The following IGF2R variants were observed in gnomAD, a reference collection of about 807,000 sequenced individuals.
IGF2R encodes insulin like growth factor 2 receptor, also known as cation-independent mannose-6-phosphate receptor.
A neutral mutation model predicts 270.6 loss-of-function variants in IGF2R; 91 were observed. That is an observed-to-expected ratio of 0.34 (90% CI 0.28 to 0.40). IGF2R has a LOEUF of 0.40. Ranked by LOEUF, IGF2R falls within the 10% of genes least tolerant of loss-of-function variation. The pLI, the probability that IGF2R is intolerant of heterozygous loss-of-function variation, is 1.00. For missense variants in IGF2R, 2,805 were observed against 3,188.3 expected (o/e 0.88, Z 2.90); for synonymous variants, 1,316 against 1,258.9 (o/e 1.05, Z -0.96).
Position 160,060,559 on chromosome 6 carries a change from C to G in IGF2R, c.3104C>G (p.Ala1035Gly), listed in dbSNP as rs1778415252. The change falls in exon 23 of 48, where the codon GCT becomes GGT. Residue 1035 changes from alanine to glycine, a missense_variant. Transcript: ENST00000356956. ...GPLSAKGTAD[A>G]FIVRFVCNDD... ...TCTTGCTTTACAGGTACCGCTGATGCTTTTATCGTCCGCTTTGTTTGCAAT... is the reference window on the plus strand; with the variant it reads ...TCTTGCTTTACAGGTACCGCTGATGGTTTTATCGTCCGCTTTGTTTGCAAT... 1.2e-6 allele frequency: 2 copies of G among 1,614,250 alleles called. No individual in the cohort carries two copies. Among genetic ancestry groups the G allele is most frequent in the East Asian group, 2.2e-5 (1 of 44,890 alleles).
In IGF2R at chr6:160,102,812, C is replaced by A; in HGVS notation, c.6995+141C>A. The A allele has an allele frequency of 1.0e-6, 1 of 994,986 alleles. No homozygotes were observed. The highest frequency in any genetic ancestry group is 1.4e-6 in the Non-Finnish European group (1 of 691,112). The allele number at this position is 994,986 out of a possible 1,614,324, so 61.6% of individuals were successfully genotyped here. A position where few individuals can be genotyped will look rare whatever the true frequency, so the allele number is the denominator to read the frequency against. On this transcript the variant is annotated intron_variant, in intron 46 of 47. Transcript: ENST00000356956. This position sits in a 1 kb window ranked among gnomAD's most constrained non-coding sequence, Gnocchi z 4.5. ...CTCGAGGTTCTTAGTCCAAAACTCTCTGGAAGCAGTCCCCAGCGTTGTGGT... is the reference window on the plus strand; with the variant it reads ...CTCGAGGTTCTTAGTCCAAAACTCTATGGAAGCAGTCCCCAGCGTTGTGGT...
intron 29 of IGF2R, among the ~76,000 whole-genome samples, chr6:160,065,782 A>ATGTGTGTGTGTG (rs57759831): frequency 1.3e-4 from 12 of 93,188 alleles, no homozygotes; most frequent in East Asian, 5.7e-4. Flanking sequence ...AGATATGTGT[A>ATGTGTGTGTGTG]TGTGTGTGTG....
In IGF2R at chr6:160,046,591, C is replaced by A; in HGVS notation, c.1997C>A (p.Pro666Gln). Residue 666 changes from proline (P) to glutamine (Q), a missense_variant, in exon 15 of 48, where the codon CCG (proline) becomes CAG (glutamine). Pro to Gln is a moderately conservative substitution (Grantham distance 76, BLOSUM62 -1). This residue lies in a region of IGF2R where 954 missense variants were observed against 981.1 expected (regional missense o/e 0.97). Transcript: ENST00000356956. ...GACTTTTATATAAATGTGTGTGGCC[C>A]GGTGTCTGTGAGCCCCTGTCAGCCA... ...KYDFYINVCG[P>Q]VSVSPCQPDS... The A allele has an allele frequency of 6.2e-7, 1 of 1,613,892 alleles. No individual in the cohort carries two copies. The highest frequency in any genetic ancestry group is 2.2e-5 in the East Asian group (1 of 44,884).
chr6:160,058,726 A>G (rs1428244305), intron 21 of IGF2R, among the ~76,000 whole-genome samples, 180 bp from the exon 22 acceptor site: 1 of 152,232 alleles, frequency 6.6e-6, no homozygotes, highest in African/African-American at 2.4e-5. Context: ...CAGTTTATAG[A>G]TACTGCCCTT....
At chr6:159,981,925 C>T (rs989455778) in intron 1 of IGF2R, among the ~76,000 whole-genome samples, 23 of 152,208 alleles carry the variant, frequency 1.5e-4, no homozygotes, top group Non-Finnish European at 2.8e-4. Flanking sequence ...AAACCAAAGG[C>T]TGACGTTTGG....
chr6:160,068,555 G>A (rs1778643693), intron 30 of IGF2R, among the ~76,000 whole-genome samples, 170 bp downstream of exon 30: 1 of 151,982 alleles, frequency 6.6e-6, no homozygotes, highest in Admixed American at 6.5e-5. Context: ...GTGTATCACA[G>A]GCCAGCACTG....
At chr6:160,026,833 T>C (rs1165668914) in intron 5 of IGF2R, among the ~76,000 whole-genome samples, 1 of 152,196 alleles carries the variant, frequency 6.6e-6, no homozygotes, top group Non-Finnish European at 1.5e-5. Context: ...ATCTCCTAAT[T>C]GTTCCAGTCA....
At chr6:160,091,040 T>C (rs1397539873) in intron 44 of IGF2R, among the ~76,000 whole-genome samples, 15 of 77,280 alleles carry the variant, frequency 1.9e-4, no homozygotes, top group African/African-American at 2.1e-4. Context: ...AGCGCATCGC[T>C]GAGAAGGAGC....
Position 160,096,576 on chromosome 6 carries a change from G to A in IGF2R, c.6793G>A (p.Asp2265Asn), listed in dbSNP as rs1270143347. The A allele has an allele frequency of 1.9e-6, 3 of 1,614,092 alleles. No individual in the cohort carries two copies. Among genetic ancestry groups the A allele is most frequent in the Non-Finnish European group, 2.5e-6 (3 of 1,179,992 alleles). The change falls in exon 45 of 48, where the codon GAC becomes AAC. Residue 2265 changes from aspartate (D) to asparagine (N), a missense_variant. This residue lies in a region of IGF2R where 1,851 missense variants were observed against 2,207.2 expected (regional missense o/e 0.84). Coordinates refer to ENST00000356956, the MANE Select transcript of IGF2R (RefSeq NM_000876.4). ...GIPEFSHETA[D>N]CQYLFSWYTS... ...CCCCGAGTTCAGTCACGAGACTGCC[G>A]ACTGCCAGTACCTCTTCTCTTGGTA... is the stretch of plus-strand genomic sequence containing the variant.
intron 45 of IGF2R, among the ~76,000 whole-genome samples, chr6:160,099,712 C>T (rs1043991099): frequency 2.6e-5 from 4 of 152,094 alleles, no homozygotes; most frequent in Non-Finnish European, 4.4e-5. Flanking sequence ...TGATGTCATT[C>T]GAGGACCTCC....
At chr6:159,984,557 C>T (rs1783853270) in intron 1 of IGF2R, among the ~76,000 whole-genome samples, 1 of 152,232 alleles carries the variant, frequency 6.6e-6, no homozygotes, top group South Asian at 2.1e-4. Context: ...ATATGTGTCA[C>T]ATGTTACAGT....
intron 2 of IGF2R, chr6:160,007,266 T>G (rs1267578501): frequency 6.6e-6 from 1 of 152,242 alleles, no homozygotes; most frequent in Non-Finnish European, 1.5e-5. Flanking sequence ...AACTAGGTCA[T>G]AGGGCACACG....
At position 160,012,765 on chromosome 6, in the gene IGF2R, T is replaced by TATATATATATATATATATA. The variant is rs1562343074; in HGVS notation, c.513+1980_513+1981insATATATATATATATATATA. ...CTAATTTATATATATATATATATAT[T>TATATATATATATATATATA]TTTTTTTTTTTTTGTTTGTTTGTTT... On this transcript the variant is annotated intron_variant, in intron 4 of 47. Transcript: ENST00000356956. Among the ~76,000 whole-genome samples the TATATATATATATATATATA allele has an allele frequency of 1.3e-3, 99 of 76,440 alleles. 4 individuals carry two copies. Among genetic ancestry groups the TATATATATATATATATATA allele is most frequent in the East Asian group, 5.3e-3 (9 of 1,692 alleles). 50.1% of individuals were successfully genotyped at this position (76,440 alleles called of 152,430 possible).
chr6:160,069,817 C>G (rs752034411), intron 30 of IGF2R, 51 bp from the exon 31 acceptor site: 1 of 1,560,816 alleles, frequency 6.4e-7, no homozygotes, highest in Non-Finnish European at 8.8e-7. Flanking sequence ...AAGTTCTGTT[C>G]TAGCCTGGGG....
intron 4 of IGF2R, among the ~76,000 whole-genome samples, chr6:160,017,457 T>G (rs912300448): frequency 3.9e-5 from 6 of 152,232 alleles, no homozygotes; most frequent in Non-Finnish European, 8.8e-5. Flanking sequence ...ATAATTGATG[T>G]AAACTTCTTT....
chr6:160,083,767 G>C (rs1372202379), intron 39 of IGF2R, among the ~76,000 whole-genome samples, 183 bp from the exon 40 acceptor site: 3 of 152,214 alleles, frequency 2.0e-5, no homozygotes, highest in Admixed American at 2.0e-4. Flanking sequence ...ATTTTTGTGA[G>C]CTCCAAGTTG....
intron 1 of IGF2R, among the ~76,000 whole-genome samples, chr6:159,975,580 C>G (rs1382788856): frequency 6.6e-6 from 1 of 151,148 alleles, no homozygotes; most frequent in African/African-American, 2.4e-5. Context: ...TTTCCTGAGG[C>G]CTGACACACC....
At chr6:159,989,412 G>A (rs1328938719) in intron 1 of IGF2R, among the ~76,000 whole-genome samples, 3 of 152,100 alleles carry the variant, frequency 2.0e-5, no homozygotes, top group Admixed American at 2.0e-4. Flanking sequence ...GTGAGGGAGT[G>A]CTTCTGTCGT....
At chr6:160,065,715 A>G (rs977424098) in intron 29 of IGF2R, among the ~76,000 whole-genome samples, 4 of 150,870 alleles carry the variant, frequency 2.7e-5, no homozygotes, top group African/African-American at 4.9e-5. Flanking sequence ...GTTTTCTGAT[A>G]TTTATATACA....
Sources: allele counts gnomAD v4.1 joint callset (sites outside exome capture counted in the v4.1 genomes callset), GRCh38; gene constraint gnomAD v4.1.1; regional missense constraint gnomAD v4.1.1; non-coding constraint Gnocchi (gnomAD v3.1); transcripts MANE v1.5; gene names NCBI Gene and HGNC (gene_info 2026-07-23, HGNC 2026-07-21).